MTRR: variants seen among roughly 807,000 people sequenced by gnomAD.
MTRR encodes methionine synthase reductase.
A neutral mutation model predicts 79.2 loss-of-function variants in MTRR; 63 were observed. That is an observed-to-expected ratio of 0.80 (90% CI 0.65 to 0.98). The LOEUF is 0.98. MTRR is among the 50% of genes least tolerant of loss of function. MTRR has a pLI of 0.00. For synonymous variants in MTRR, 355 were observed against 313.3 expected (o/e 1.13, Z -1.41); for missense variants, 895 against 839.6 (o/e 1.07, Z -0.82).
intron 4 of MTRR, among the ~76,000 whole-genome samples, chr5:7,875,894 CTT>C (rs1278335901): frequency 1.3e-5 from 2 of 152,228 alleles, no homozygotes; most frequent in East Asian, 3.9e-4. Context: ...CATACTTTAT[CTT>C]TTCATTACTT....
At chr5:7,853,472 C>T (rs1746137390) in intron 1 of MTRR, among the ~76,000 whole-genome samples, 1 of 152,160 alleles carries the variant, frequency 6.6e-6, no homozygotes, top group Admixed American at 6.5e-5. Context: ...TCAAGTCAGG[C>T]ATACAGGCAT....
intron 12 of MTRR, chr5:7,896,398 C>G: frequency 4.9e-6 from 1 of 205,116 alleles, no homozygotes; most frequent in Non-Finnish European, 9.9e-6. Context: ...TCCTGTCCTT[C>G]GGACAGTTAT....
chr5:7,858,014 CTGTT>C (rs1465670193), intron 1 of MTRR, among the ~76,000 whole-genome samples: 7 of 152,182 alleles, frequency 4.6e-5, no homozygotes, highest in Admixed American at 3.3e-4. Flanking sequence ...CTTCGTGTGG[CTGTT>C]TAATTGGTTA....
chr5:7,867,407 A>T, upstream of MTRR: 1 of 1,614,200 alleles, frequency 6.2e-7, no homozygotes, highest in Non-Finnish European at 8.5e-7. Flanking sequence ...GTGCAGTGTA[A>T]TCAGACTTTC....
rs201913006 is a variant in MTRR, at chr5:7,875,336, G to A, written c.362G>A (p.Arg121Gln). ...IDKRLQELGA[R>Q]HFYDTGHADD... ...AAACGACTTCAAGAGCTTGGAGCCC[G>A]GCATTTCTATGACACTGGACATGCA... The change falls in exon 4 of 15, where the codon CGG becomes CAG. Residue 121 changes from arginine to glutamine, a missense_variant. By Grantham distance (43) the Arg-to-Gln change is conservative. Coordinates refer to ENST00000440940, the MANE Select transcript of MTRR (RefSeq NM_002454.3). 71 of 1,613,742 alleles carry A rather than the reference G, an allele frequency of 4.4e-5. No homozygotes were observed. In the East Asian group the frequency reaches 6.5e-4, roughly 15 times the overall value.
chr5:7,854,918 G>C (rs1370426055), intron 1 of MTRR, among the ~76,000 whole-genome samples: 1 of 152,182 alleles, frequency 6.6e-6, no homozygotes, highest in East Asian at 1.9e-4. Context: ...TCTTCTGCCT[G>C]CTTTTATATT....
intron 11 of MTRR, among the ~76,000 whole-genome samples, chr5:7,895,503 A>G (rs1738352271): frequency 1.3e-5 from 2 of 152,314 alleles, no homozygotes; most frequent in South Asian, 2.1e-4. Context: ...CACCATGCCT[A>G]TCATTTTTTA....
chr5:7,852,958 A>G (rs1279769136), intron 1 of MTRR, among the ~76,000 whole-genome samples: 2 of 152,234 alleles, frequency 1.3e-5, no homozygotes, highest in Admixed American at 1.3e-4. Context: ...AGAAATTAGT[A>G]AAGTTTACAC....
At position 7,889,092 on chromosome 5, in the gene MTRR, T is replaced by C; in HGVS notation, c.1147-3T>C. 6.2e-7 allele frequency: 1 copy of C among 1,614,180 alleles called. No individual in the cohort carries two copies. Among genetic ancestry groups the C allele is most frequent in the Non-Finnish European group, 8.5e-7 (1 of 1,180,046 alleles). ...ACAATTTAAGGCGGGCTCCTTTTTGTAGGCATTTTTGCGAGCCCTTGTGGA... is the reference window on the plus strand; with the variant it reads ...ACAATTTAAGGCGGGCTCCTTTTTGCAGGCATTTTTGCGAGCCCTTGTGGA... On this transcript the variant is annotated splice_region_variant and splice_polypyrimidine_tract_variant and intron_variant, in intron 8 of 14. Coordinates refer to ENST00000440940, the MANE Select transcript of MTRR (RefSeq NM_002454.3).
In MTRR at chr5:7,895,589, T is replaced by A. The variant is rs1391741824; in HGVS notation, c.1558-145T>A. On this transcript the variant is annotated intron_variant, in intron 11 of 14. Transcript: ENST00000440940. ...TCTGTAGTGACAAATGTGCTCATGG[T>A]TTCAATAAAATCTGATGCCACTATT... The A allele has an allele frequency of 2.7e-6, 3 of 1,099,434 alleles. No individual in the cohort carries two copies. The African/African-American group carries it at 4.7e-5, about 17-fold the overall frequency. 68.1% of individuals were successfully genotyped at this position (1,099,434 alleles called of 1,614,324 possible).
intron 10 of MTRR, among the ~76,000 whole-genome samples, chr5:7,891,997 G>C (rs532430878): frequency 6.6e-6 from 1 of 151,978 alleles, no homozygotes. Context: ...AGCCAAGATC[G>C]AGCCACTGCA....
At chr5:7,857,773 C>T (rs1048535664) in intron 1 of MTRR, among the ~76,000 whole-genome samples, 30 of 152,168 alleles carry the variant, frequency 2.0e-4, no homozygotes, top group Admixed American at 1.3e-4. Context: ...GTGTGCCCAG[C>T]GTGATCAGAA....
intron 2 of MTRR, chr5:7,862,798 C>T (rs1370723236): frequency 1.9e-6 from 3 of 1,588,170 alleles, no homozygotes; most frequent in Non-Finnish European, 2.6e-6. Flanking sequence ...AGGTTTAAAA[C>T]AACAAAACTC....
intron 8 of MTRR, among the ~76,000 whole-genome samples, chr5:7,886,933 T>TTAAATAGGGCTTTTTCTTAGTC (rs1736578560): frequency 6.6e-6 from 1 of 152,196 alleles, no homozygotes; most frequent in African/African-American, 2.4e-5. Context: ...AAATGAGGGC[T>TTAAATAGGGCTTTTTCTTAGTC]TAAATAGGGC....
At chr5:7,898,967 C>T (rs1014751388) in intron 14 of MTRR, among the ~76,000 whole-genome samples, 2 of 152,100 alleles carry the variant, frequency 1.3e-5, no homozygotes, top group Non-Finnish European at 2.9e-5. Flanking sequence ...ATGGTGCCGG[C>T]ACCTGCTTCT....
At chr5:7,893,206 T>C in intron 11 of MTRR, 1 of 404,904 alleles carries the variant, frequency 2.5e-6, no homozygotes, top group Non-Finnish European at 4.6e-6. Context: ...TACATTGGCC[T>C]GGGGAGGGGT....
chr5:7,860,720 T>C (rs898957412), intron 1 of MTRR, among the ~76,000 whole-genome samples: 2 of 152,222 alleles, frequency 1.3e-5, no homozygotes, highest in African/African-American at 2.4e-5. Context: ...ACCAAGCCAG[T>C]TGGGCCTTGA....
At chr5:7,857,633 C>T (rs888343099) in intron 1 of MTRR, among the ~76,000 whole-genome samples, 2 of 152,220 alleles carry the variant, frequency 1.3e-5, no homozygotes, top group African/African-American at 4.8e-5. Context: ...TCTGTGTTCC[C>T]AGAGCCTTGA....
At chr5:7,897,694 T>G (rs1398534680) in intron 14 of MTRR, among the ~76,000 whole-genome samples, 2 of 152,196 alleles carry the variant, frequency 1.3e-5, no homozygotes, top group African/African-American at 2.4e-5. Context: ...TAATTCTTGG[T>G]GATAAAGTTG....
Sources: allele counts gnomAD v4.1 joint callset (sites outside exome capture counted in the v4.1 genomes callset), GRCh38; gene constraint gnomAD v4.1.1; transcripts MANE v1.5; gene names NCBI Gene and HGNC (gene_info 2026-07-23, HGNC 2026-07-21).